Variants in PTPRD observed in about 807,000 individuals in gnomAD.
The protein encoded by PTPRD is receptor-type tyrosine-protein phosphatase delta.
In PTPRD, 34 loss-of-function variants were observed where a neutral mutation model predicts 214.5. The observed-to-expected ratio is 0.16, with a 90% CI of 0.12 to 0.21. PTPRD has a LOEUF of 0.21. PTPRD is among the 10% of genes least tolerant of loss of function. The probability of loss-of-function intolerance (pLI) is 1.00; values close to 1 mark genes in which losing one functional copy is unlikely to be tolerated. For missense variants in PTPRD, 2,545 were observed against 2,398.7 expected (o/e 1.06, Z -1.27); for synonymous variants, 1,128 against 845.7 (o/e 1.33, Z -5.79).
At chr9:9,353,842 G>A (rs886261122) in intron 9 of PTPRD, among the ~76,000 whole-genome samples, 3 of 151,824 alleles carry the variant, frequency 2.0e-5, no homozygotes, top group Admixed American at 6.6e-5. Flanking sequence ...GGTCTGATGG[G>A]TCTCTCTTCC....
At chr9:10,302,319 A>C (rs1252615821) in intron 3 of PTPRD, among the ~76,000 whole-genome samples, 1 of 152,224 alleles carries the variant, frequency 6.6e-6, no homozygotes, top group Non-Finnish European at 1.5e-5. Context: ...AACATACCAA[A>C]TTGTAAAGAC....
intron 5 of PTPRD, among the ~76,000 whole-genome samples, chr9:9,848,942 C>A (rs1239497111): frequency 6.6e-6 from 1 of 151,792 alleles, no homozygotes. Context: ...TAATTAATAA[C>A]ATATTTATTG....
chr9:9,099,704 G>A (rs925479133), intron 10 of PTPRD, among the ~76,000 whole-genome samples: 29 of 152,152 alleles, frequency 1.9e-4, no homozygotes, highest in African/African-American at 3.9e-4. Context: ...TACTGAAAGC[G>A]TCACGCTGTG....
chr9:9,868,721 A>C (rs1341455257), intron 5 of PTPRD, among the ~76,000 whole-genome samples: 1 of 148,404 alleles, frequency 6.7e-6, no homozygotes, highest in Non-Finnish European at 1.5e-5. Flanking sequence ...TAATATACTT[A>C]AACTCCTGGA....
intron 5 of PTPRD, among the ~76,000 whole-genome samples, chr9:9,844,359 A>G (rs2059006600): frequency 6.6e-6 from 1 of 152,028 alleles, no homozygotes. Flanking sequence ...AAAGACTAAT[A>G]CTACATGATC....
At chr9:8,705,407 T>C (rs2098184627) in intron 12 of PTPRD, among the ~76,000 whole-genome samples, 1 of 152,150 alleles carries the variant, frequency 6.6e-6, no homozygotes. Flanking sequence ...TAAATTTGTT[T>C]TGAAACAAAA....
chr9:9,181,959 A>G (rs1465974814), intron 10 of PTPRD, among the ~76,000 whole-genome samples: 1 of 152,052 alleles, frequency 6.6e-6, no homozygotes, highest in Non-Finnish European at 1.5e-5. Flanking sequence ...TTCTATACAA[A>G]TTGCTGAAAC....
chr9:9,178,039 C>T (rs2099925989), intron 10 of PTPRD, among the ~76,000 whole-genome samples: 1 of 152,020 alleles, frequency 6.6e-6, no homozygotes, highest in Non-Finnish European at 1.5e-5. Context: ...GAAGGAACTA[C>T]AGATATTTTG....
intron 9 of PTPRD, among the ~76,000 whole-genome samples, chr9:9,208,019 G>GTTTTTTTTTTTTTTTTTTTTTTTTTTTTT (rs1569562243): frequency 3.8e-5 from 1 of 26,040 alleles, no homozygotes; most frequent in Non-Finnish European, 8.9e-5. Context: ...ATATATATCT[G>GTTTTTTTTTTTTTTTTTTTTTTTTTTTTT]CTTTTTTTTT....
At chr9:9,199,776 C>G (rs1043061058) in intron 9 of PTPRD, among the ~76,000 whole-genome samples, 1 of 150,444 alleles carries the variant, frequency 6.6e-6, no homozygotes. Context: ...ATTAGAAACA[C>G]GCTAAAGTAA....
chr9:10,187,131 ACTT>A (rs1054222198), intron 3 of PTPRD, among the ~76,000 whole-genome samples: 1 of 152,140 alleles, frequency 6.6e-6, no homozygotes, highest in Admixed American at 6.6e-5. Flanking sequence ...TCTTTTAAAA[ACTT>A]CTTAATTTGA....
intron 6 of PTPRD, among the ~76,000 whole-genome samples, chr9:9,749,437 C>T (rs992171452): frequency 6.6e-5 from 10 of 152,254 alleles, no homozygotes; most frequent in African/African-American, 2.4e-4. Flanking sequence ...ATTCCAGGCT[C>T]AGGAGGGGAA....
chr9:8,381,460 T>G (rs1399924376), intron 37 of PTPRD, among the ~76,000 whole-genome samples: 1 of 152,188 alleles, frequency 6.6e-6, no homozygotes, highest in Admixed American at 6.5e-5. Context: ...TTAACAACAG[T>G]GTAGTTCTCT....
chr9:8,724,125 T>C (rs1360468670), intron 12 of PTPRD, among the ~76,000 whole-genome samples: 3 of 152,216 alleles, frequency 2.0e-5, no homozygotes, highest in Admixed American at 2.0e-4. Flanking sequence ...AAGATAAGTT[T>C]AGATAAAACT....
At chr9:8,847,174 A>T (rs10815972) in intron 11 of PTPRD, among the ~76,000 whole-genome samples, 39,836 of 150,762 alleles carry the variant, frequency 0.26, 6,287 homozygotes, top group East Asian at 0.42. Context: ...TTCCTAAAAT[A>T]TTTTTTTTTT....
intron 8 of PTPRD, among the ~76,000 whole-genome samples, chr9:9,533,090 G>C (rs1449715185): frequency 6.6e-6 from 1 of 152,006 alleles, no homozygotes; most frequent in Non-Finnish European, 1.5e-5. Flanking sequence ...GCAGCTTATA[G>C]CATTTTGCAT....
intron 11 of PTPRD, among the ~76,000 whole-genome samples, chr9:8,954,898 A>G (rs1208063777): frequency 6.6e-6 from 1 of 151,934 alleles, no homozygotes; most frequent in Non-Finnish European, 1.5e-5. Flanking sequence ...AAAGAAATCT[A>G]CCAAAGTTGG....
intron 35 of PTPRD, among the ~76,000 whole-genome samples, chr9:8,416,314 C>G (rs2093933424): frequency 2.0e-5 from 3 of 152,110 alleles, no homozygotes; most frequent in Non-Finnish European, 2.9e-5. Context: ...TGAATACACA[C>G]ACATATAAAA....
Position 8,375,886 on chromosome 9 carries a change from G to A in PTPRD, c.4661+50C>T, listed in dbSNP as rs117865820. On this transcript the variant is annotated intron_variant, in intron 39 of 45. Transcript: ENST00000381196. ...GAAGTTGCAGAAACATCCAATGAGA[G>A]TCAATTTAGCTTTCTGTTTCCTGAC... 13,312 of 1,576,946 alleles carry A rather than the reference G, an allele frequency of 8.4e-3. 54 individuals are homozygous for A. Among genetic ancestry groups the A allele is most frequent in the Non-Finnish European group, 0.01 (12,162 of 1,160,702 alleles).
Sources: allele counts gnomAD v4.1 joint callset (sites outside exome capture counted in the v4.1 genomes callset), GRCh38; gene constraint gnomAD v4.1.1; transcripts MANE v1.5; gene names NCBI Gene and HGNC (gene_info 2026-07-23, HGNC 2026-07-21).